The following DOCK3 variants were observed in gnomAD, a reference collection of about 807,000 sequenced individuals.
DOCK3 encodes dedicator of cytokinesis 3.
Under a neutral mutation model 265.6 loss-of-function variants are expected in DOCK3, and 60 were observed. The ratio of observed to expected loss-of-function variants is 0.23; its 90% CI spans 0.18 to 0.28. The LOEUF (loss-of-function observed/expected upper bound fraction) is 0.28, where lower values mean the gene tolerates loss of function less well. DOCK3 is among the 10% of genes least tolerant of loss of function. The probability of loss-of-function intolerance (pLI) is 1.00; values close to 1 mark genes in which losing one functional copy is unlikely to be tolerated. For missense variants in DOCK3, 1,981 were observed against 2,594.3 expected (o/e 0.76, Z 5.14); for synonymous variants, 881 against 938.0 (o/e 0.94, Z 1.11).
intron 1 of DOCK3, among the ~76,000 whole-genome samples, chr3:50,682,337 C>T (rs186973424): frequency 1.3e-5 from 2 of 152,324 alleles, no homozygotes; most frequent in Non-Finnish European, 1.5e-5. Flanking sequence ...GTCCCAGGAC[C>T]ATTAAACACA....
At chr3:51,313,797 T>A (rs1576764710) in intron 31 of DOCK3, among the ~76,000 whole-genome samples, 1 of 152,204 alleles carries the variant, frequency 6.6e-6, no homozygotes, top group South Asian at 2.1e-4. Context: ...ATTTCCCCAA[T>A]CAGACTTTCC....
At chr3:50,847,773 A>G (rs2046154351) in intron 3 of DOCK3, among the ~76,000 whole-genome samples, 2 of 149,516 alleles carry the variant, frequency 1.3e-5, no homozygotes, top group Non-Finnish European at 3.0e-5. Flanking sequence ...AGTCCCAATT[A>G]CTCAGGAGGC....
chr3:51,091,163 T>C (rs1253734523), intron 9 of DOCK3, among the ~76,000 whole-genome samples: 1 of 152,142 alleles, frequency 6.6e-6, no homozygotes, highest in East Asian at 1.9e-4. Context: ...GGGAAAGTTA[T>C]TGTAGAGAAG....
At chr3:51,237,795 C>G (rs979496444) in intron 21 of DOCK3, among the ~76,000 whole-genome samples, 2 of 152,130 alleles carry the variant, frequency 1.3e-5, no homozygotes, top group Non-Finnish European at 2.9e-5. Flanking sequence ...TAAGTACATT[C>G]ACATCATTGT....
chr3:51,251,621 G>A (rs947556185), intron 22 of DOCK3, among the ~76,000 whole-genome samples: 4 of 152,190 alleles, frequency 2.6e-5, no homozygotes, highest in African/African-American at 7.2e-5. Flanking sequence ...CTAATGACCC[G>A]TGATGATGAG....
At position 51,270,818 on chromosome 3, in the gene DOCK3, G is replaced by A. The variant is rs1227473557; in HGVS notation, c.2359G>A (p.Ala787Thr). The change falls in exon 24 of 53, where the codon GCA (alanine) becomes ACA (threonine). Residue 787 changes from alanine (A) to threonine (T), a missense_variant. Transcript: ENST00000266037. ...NSETLLFTQA[A>T]LLNSFPTIFD... The stretch of plus-strand genomic sequence containing the variant: ...ACAGCTTCATTTGCTTCTGCAGGCT[G>A]CACTCCTCAATTCTTTCCCAACCAT... The A allele has an allele frequency of 6.2e-7, 1 of 1,613,110 alleles. No individual in the cohort carries two copies. Among genetic ancestry groups the A allele is most frequent in the Admixed American group, 1.7e-5 (1 of 59,968 alleles).
At chr3:50,918,105 C>A (rs1421668126) in intron 4 of DOCK3, among the ~76,000 whole-genome samples, 1 of 152,100 alleles carries the variant, frequency 6.6e-6, no homozygotes, top group African/African-American at 2.4e-5. Context: ...TTTTTTATGG[C>A]TGTGTAGTAT....
At chr3:50,749,725 T>C (rs2039669100) in intron 1 of DOCK3, among the ~76,000 whole-genome samples, 1 of 152,150 alleles carries the variant, frequency 6.6e-6, no homozygotes, top group East Asian at 1.9e-4. Context: ...CAGAAGCAAA[T>C]TACAGTTAAT....
rs563412769 is a variant in DOCK3 at position 50,918,174 on chromosome 3, G to A, written c.219-15807G>A. ...CAGTCTATCATTGATGGACATTTGGGTTGGTTCCAAGTCTTTGCTATTGTG... is the reference window on the plus strand; with the variant it reads ...CAGTCTATCATTGATGGACATTTGGATTGGTTCCAAGTCTTTGCTATTGTG... On this transcript the variant is annotated intron_variant, in intron 4 of 52. Coordinates refer to ENST00000266037, the MANE Select transcript of DOCK3 (RefSeq NM_004947.5). Among the ~76,000 whole-genome samples the A allele has an allele frequency of 2.6e-5, 4 of 152,220 alleles. No homozygotes were observed. In the South Asian group the frequency reaches 8.3e-4, roughly 32 times the overall value.
At chr3:51,034,671 A>G (rs1269008197) in intron 5 of DOCK3, among the ~76,000 whole-genome samples, 1 of 152,120 alleles carries the variant, frequency 6.6e-6, no homozygotes, top group African/African-American at 2.4e-5. Flanking sequence ...ATATTTATCC[A>G]TACATTTACT....
intron 38 of DOCK3, among the ~76,000 whole-genome samples, chr3:51,341,999 G>T (rs2085274151): frequency 6.6e-6 from 1 of 152,198 alleles, no homozygotes; most frequent in South Asian, 2.1e-4. Context: ...GGCGCCCTCT[G>T]ACTACCTACT....
At chr3:51,159,741 T>C (rs1052102903) in intron 11 of DOCK3, among the ~76,000 whole-genome samples, 2 of 152,206 alleles carry the variant, frequency 1.3e-5, no homozygotes, top group Non-Finnish European at 2.9e-5. Context: ...ATTAGAGTTA[T>C]TGTCATCACT....
intron 5 of DOCK3, among the ~76,000 whole-genome samples, chr3:51,011,615 CTCTCAACTTGTCAAAGTCA>C: frequency 6.6e-6 from 1 of 152,224 alleles, no homozygotes; most frequent in Admixed American, 6.5e-5. Context: ...AAGCCTTCTT[CTCTCAACTTGTCAAAGTCA>C]TTCTCTATCC....
At chr3:51,009,950 A>G (rs918700466) in intron 5 of DOCK3, among the ~76,000 whole-genome samples, 4 of 152,122 alleles carry the variant, frequency 2.6e-5, no homozygotes, top group African/African-American at 9.7e-5. Flanking sequence ...CTTAATCCTG[A>G]GTTCTAGTTT....
At chr3:50,904,430 T>G (rs965255361) in intron 4 of DOCK3, among the ~76,000 whole-genome samples, 1 of 152,188 alleles carries the variant, frequency 6.6e-6, no homozygotes, top group African/African-American at 2.4e-5. Context: ...ACCTGTTGTT[T>G]CCTGAGTTTT....
intron 39 of DOCK3, 65 bp from the exon 40 acceptor site, chr3:51,350,223 C>G: frequency 6.9e-7 from 1 of 1,441,014 alleles, no homozygotes; most frequent in Non-Finnish European, 9.5e-7. Context: ...CCAGTTGGGC[C>G]TGGGAGAACT....
chr3:50,731,398 G>C (rs1358654366), intron 1 of DOCK3, among the ~76,000 whole-genome samples: 2 of 152,306 alleles, frequency 1.3e-5, no homozygotes, highest in East Asian at 3.9e-4. Context: ...TGTAATTATA[G>C]TGATGTGTCA....
chr3:50,782,128 C>G (rs984953732), intron 2 of DOCK3, among the ~76,000 whole-genome samples: 2 of 151,904 alleles, frequency 1.3e-5, no homozygotes, highest in African/African-American at 4.8e-5. Flanking sequence ...TATATTCCTT[C>G]GGGTATATAT....
intron 5 of DOCK3, among the ~76,000 whole-genome samples, chr3:51,026,159 T>C (rs1335860758): frequency 1.3e-5 from 2 of 152,000 alleles, no homozygotes; most frequent in East Asian, 3.8e-4. Context: ...AAATAAAAAA[T>C]GAAAAAATGA....
Sources: gnomAD v4.1 joint callset for allele counts (sites outside exome capture counted in the v4.1 genomes callset) on GRCh38, gnomAD v4.1.1 for gene constraint, MANE v1.5 for transcripts, NCBI Gene and HGNC (gene_info 2026-07-23, HGNC 2026-07-21) for gene names.